Variants in TP63 observed in about 807,000 individuals in gnomAD.
TP63 encodes tumor protein 63.
In TP63, 17 loss-of-function variants were observed where a neutral mutation model predicts 82.8. That is an observed-to-expected ratio of 0.21 (90% CI 0.14 to 0.31). The LOEUF is 0.31. Ranked by LOEUF, TP63 falls within the 10% of genes least tolerant of loss-of-function variation. The pLI is 1.00. For missense variants in TP63, 648 were observed against 895.3 expected (o/e 0.72, Z 3.52); for synonymous variants, 330 against 321.7 (o/e 1.03, Z -0.28).
intron 4 of TP63, among the ~76,000 whole-genome samples, chr3:189,817,055 C>T (rs754370771): frequency 7.9e-5 from 12 of 151,548 alleles, no homozygotes; most frequent in Non-Finnish European, 1.8e-4. Flanking sequence ...TCAGAAAGGC[C>T]TGAAAACAGA....
intron 3 of TP63, among the ~76,000 whole-genome samples, chr3:189,791,755 T>G (rs2108596911): frequency 6.6e-6 from 1 of 152,282 alleles, no homozygotes; most frequent in East Asian, 1.9e-4. Context: ...CGAACAACTT[T>G]CTTTCTGTAC....
intron 1 of TP63, among the ~76,000 whole-genome samples, chr3:189,709,520 A>G (rs1017907972): frequency 3.9e-5 from 6 of 152,256 alleles, no homozygotes; most frequent in African/African-American, 1.4e-4. Context: ...CTTATTTAAG[A>G]CAGCTTTATG....
chr3:189,774,066 G>T (rs1442785953), intron 3 of TP63, among the ~76,000 whole-genome samples: 1 of 151,952 alleles, frequency 6.6e-6, no homozygotes, highest in Non-Finnish European at 1.5e-5. Flanking sequence ...GGGACTACAG[G>T]TATCCACCAC....
chr3:189,890,662 C>T (rs1720923600), intron 12 of TP63, 127 bp from the exon 13 acceptor site: 2 of 750,888 alleles, frequency 2.7e-6, no homozygotes, highest in Non-Finnish European at 4.7e-6. Flanking sequence ...ATATATTACC[C>T]AATCCTCATC....
At chr3:189,668,280 G>A (rs1270972097) in intron 1 of TP63, among the ~76,000 whole-genome samples, 1 of 151,884 alleles carries the variant, frequency 6.6e-6, no homozygotes, top group Non-Finnish European at 1.5e-5. Context: ...AAGATGTCCA[G>A]TATAAAATTG....
At chr3:189,669,253 T>C (rs897933055) in intron 1 of TP63, among the ~76,000 whole-genome samples, 1 of 151,890 alleles carries the variant, frequency 6.6e-6, no homozygotes. Context: ...CCTGTAAAAC[T>C]TGATTCTATG....
chr3:189,808,859 A>G (rs1321464218), intron 4 of TP63, among the ~76,000 whole-genome samples: 2 of 152,220 alleles, frequency 1.3e-5, no homozygotes, highest in Non-Finnish European at 2.9e-5. Flanking sequence ...ATATGTGTTT[A>G]CAGTCTCCAG....
In TP63 at chr3:189,806,205, G is replaced by A. The variant is rs753719236; in HGVS notation, c.325-2067G>A. Among the ~76,000 whole-genome samples the A allele has an allele frequency of 9.2e-4, 140 of 151,704 alleles. 3 individuals carry two copies. The highest frequency in any genetic ancestry group is 2.2e-4 in the Non-Finnish European group (15 of 67,908). On this transcript the variant is annotated intron_variant, in intron 3 of 13. Coordinates refer to ENST00000264731, the MANE Select transcript of TP63 (RefSeq NM_003722.5). ...AAAAAAAAAATCAAGGGGCCCATGC[G>A]TCTTTGTTCTCATCCAAGCCCACAA...
chr3:189,802,433 T>G (rs1726412481), intron 3 of TP63, among the ~76,000 whole-genome samples: 1 of 152,216 alleles, frequency 6.6e-6, no homozygotes, highest in African/African-American at 2.4e-5. Flanking sequence ...AAAACTGTTT[T>G]GAATGTGGTC....
At chr3:189,692,503 A>G (rs892628767) in intron 1 of TP63, among the ~76,000 whole-genome samples, 4 of 152,104 alleles carry the variant, frequency 2.6e-5, no homozygotes, top group Non-Finnish European at 5.9e-5. Flanking sequence ...ATGTGGCATA[A>G]CTTACAATTA....
At chr3:189,785,432 A>T (rs1190238931) in intron 3 of TP63, among the ~76,000 whole-genome samples, 1 of 152,138 alleles carries the variant, frequency 6.6e-6, no homozygotes, top group African/African-American at 2.4e-5. Context: ...CGTTAAGTAT[A>T]CAACTTTTTG....
the TP63 span, among the ~76,000 whole-genome samples, chr3:189,617,824 A>C: frequency 5.3e-5 from 8 of 152,312 alleles, no homozygotes; most frequent in East Asian, 5.8e-4. Context: ...TGTCATTTCC[A>C]ACAAAATTCT....
intron 3 of TP63, among the ~76,000 whole-genome samples, chr3:189,771,592 A>T (rs1723380522): frequency 6.7e-6 from 1 of 150,252 alleles, no homozygotes; most frequent in Non-Finnish European, 1.5e-5. Flanking sequence ...TTTAATTTTC[A>T]TGATTGCCTT....
chr3:189,845,755 G>T (rs1255540368), intron 4 of TP63, among the ~76,000 whole-genome samples: 1 of 149,372 alleles, frequency 6.7e-6, no homozygotes, highest in Non-Finnish European at 1.5e-5. Flanking sequence ...GGATTGAGAA[G>T]AGAGGTAGGT....
rs560968581 is a variant in TP63, at chr3:189,824,212, A to T, written c.579+15686A>T. Among the ~76,000 whole-genome samples, 42 of 151,352 alleles carry T rather than the reference A, an allele frequency of 2.8e-4. No homozygotes were observed. The South Asian group carries it at 4.4e-3, about 16-fold the overall frequency. ...TAGGACTGTTTTATTTATTTATTTT[A>T]TTATTATTATTATTTTTTTTTTGAG... On this transcript the variant is annotated intron_variant, in intron 4 of 13. Coordinates refer to ENST00000264731, the MANE Select transcript of TP63 (RefSeq NM_003722.5).
chr3:189,720,096 G>C (rs1719267130), intron 1 of TP63, among the ~76,000 whole-genome samples: 1 of 152,084 alleles, frequency 6.6e-6, no homozygotes, highest in Non-Finnish European at 1.5e-5. Flanking sequence ...CTTGCCCCCA[G>C]CAAGCTCGGC....
At chr3:189,604,868 A>G in the TP63 span, among the ~76,000 whole-genome samples, 3 of 152,154 alleles carry the variant, frequency 2.0e-5, no homozygotes, top group Non-Finnish European at 4.4e-5. Flanking sequence ...ATTGACTTTC[A>G]CTTTACATGG....
chr3:189,667,082 T>G lies in TP63; in HGVS notation c.62+35505T>G, dbSNP rs541727766. On this transcript the variant is annotated intron_variant, in intron 1 of 13. Coordinates refer to ENST00000264731, the MANE Select transcript of TP63 (RefSeq NM_003722.5). ...CTCATGATTGAACCTACTCTCTGCC[T>G]GAGAACAATTTCCTAAACTGTGAAA... Among the ~76,000 whole-genome samples, 4 of 148,984 alleles carry G rather than the reference T, an allele frequency of 2.7e-5. No individual in the cohort carries two copies. In the South Asian group the frequency reaches 8.5e-4, roughly 32 times the overall value.
intron 1 of TP63, among the ~76,000 whole-genome samples, chr3:189,670,992 A>T (rs950423233): frequency 3.3e-5 from 5 of 152,222 alleles, no homozygotes; most frequent in Non-Finnish European, 5.9e-5. Context: ...CATAGGTGAG[A>T]CTTCAAAAGC....
Sources: gnomAD v4.1 joint callset for allele counts (sites outside exome capture counted in the v4.1 genomes callset) on GRCh38, gnomAD v4.1.1 for gene constraint, MANE v1.5 for transcripts, NCBI Gene and HGNC (gene_info 2026-07-23, HGNC 2026-07-21) for gene names.